Variants in RORA observed in about 807,000 individuals in gnomAD.
RORA encodes RAR related orphan receptor A.
Under a neutral mutation model 69.5 loss-of-function variants are expected in RORA, and 7 were observed. The observed-to-expected ratio is 0.10, with a 90% CI of 0.06 to 0.19. The LOEUF is 0.19. RORA is among the 10% of genes least tolerant of loss of function. The pLI is 1.00. For synonymous variants in RORA, 261 were observed against 240.8 expected, an observed-to-expected ratio of 1.08 and a Z score of -0.78; for missense variants, 457 against 663.0, an observed-to-expected ratio of 0.69 and a Z score of 3.41.
At chr15:60,638,995 C>T (rs549011969) in intron 2 of RORA, among the ~76,000 whole-genome samples, 11 of 152,194 alleles carry the variant, frequency 7.2e-5, no homozygotes, top group African/African-American at 2.2e-4. Flanking sequence ...GTCAGAGTCA[C>T]GGGCAATATA....
intron 2 of RORA, among the ~76,000 whole-genome samples, chr15:60,591,052 A>G (rs1046437472): frequency 8.5e-5 from 13 of 152,236 alleles, no homozygotes; most frequent in African/African-American, 2.9e-4. Flanking sequence ...GCAGATACCG[A>G]ACTGGTGTCC....
At chr15:60,748,188 A>G (rs1177444359) in intron 1 of RORA, among the ~76,000 whole-genome samples, 3 of 152,142 alleles carry the variant, frequency 2.0e-5, no homozygotes, top group Non-Finnish European at 2.9e-5. Context: ...TATTTTAAGT[A>G]TGGACATAAA....
chr15:60,756,529 T>C (rs2071803942), intron 1 of RORA, among the ~76,000 whole-genome samples: 1 of 152,230 alleles, frequency 6.6e-6, no homozygotes, highest in Admixed American at 6.5e-5. Context: ...ACATAACCCA[T>C]TAAGATCTCT....
chr15:60,700,362 A>G (rs2070965260), intron 1 of RORA, among the ~76,000 whole-genome samples: 1 of 152,196 alleles, frequency 6.6e-6, no homozygotes, highest in Admixed American at 6.5e-5. Flanking sequence ...GTCTGACCAT[A>G]CCCCAAATCC....
At chr15:60,939,570 C>T (rs897462289) in intron 1 of RORA, among the ~76,000 whole-genome samples, 14 of 152,206 alleles carry the variant, frequency 9.2e-5, no homozygotes, top group Non-Finnish European at 1.5e-4. Flanking sequence ...TTATGCCTTT[C>T]GCCAGAGGGA....
chr15:60,565,978 G>A (rs553037461), intron 2 of RORA, among the ~76,000 whole-genome samples: 71 of 152,198 alleles, frequency 4.7e-4, no homozygotes, highest in African/African-American at 1.5e-3. Flanking sequence ...TAAGCATTTC[G>A]GTAATATAAT....
At chr15:61,227,806 C>T (rs971947824) in intron 1 of RORA, among the ~76,000 whole-genome samples, 4 of 152,192 alleles carry the variant, frequency 2.6e-5, no homozygotes, top group Non-Finnish European at 4.4e-5. Context: ...CTCGCGCGAG[C>T]ACGCTTCCTC....
At chr15:60,503,987 G>T (rs972175303) in intron 6 of RORA, among the ~76,000 whole-genome samples, 1 of 152,020 alleles carries the variant, frequency 6.6e-6, no homozygotes, top group Non-Finnish European at 1.5e-5. Flanking sequence ...ATGTTTAATA[G>T]AGACAGAGTT....
At chr15:61,066,073 C>T (rs907929019) in intron 1 of RORA, among the ~76,000 whole-genome samples, 10 of 152,086 alleles carry the variant, frequency 6.6e-5, no homozygotes, top group Admixed American at 2.6e-4. Flanking sequence ...TTTACTAATG[C>T]GTCTAGTGGT....
chr15:60,729,812 A>T (rs1242847623), intron 1 of RORA, among the ~76,000 whole-genome samples: 1 of 152,248 alleles, frequency 6.6e-6, no homozygotes, highest in Non-Finnish European at 1.5e-5. Flanking sequence ...AATCCAACTT[A>T]TACTTTATGT....
chr15:60,825,533 A>G (rs1469958379), intron 1 of RORA, among the ~76,000 whole-genome samples: 2 of 152,320 alleles, frequency 1.3e-5, no homozygotes, highest in East Asian at 1.9e-4. Flanking sequence ...ATAAGTCCCA[A>G]GGTCAAGAAC....
chr15:60,865,802 C>A (rs992764926), intron 1 of RORA, among the ~76,000 whole-genome samples: 2 of 152,088 alleles, frequency 1.3e-5, no homozygotes, highest in Admixed American at 1.3e-4. Flanking sequence ...ACACTCATAC[C>A]ATTTATATTT....
intron 2 of RORA, among the ~76,000 whole-genome samples, chr15:60,658,683 A>C (rs961723940): frequency 1.3e-5 from 2 of 152,246 alleles, no homozygotes; most frequent in African/African-American, 4.8e-5. Flanking sequence ...ATGCCAACCC[A>C]ATCTACTTTA....
chr15:60,564,975 C>T (rs1024898906), intron 2 of RORA, among the ~76,000 whole-genome samples: 2 of 152,144 alleles, frequency 1.3e-5, no homozygotes, highest in Non-Finnish European at 2.9e-5. Context: ...CAAGCAGTGA[C>T]CCCCTTGTGA....
At chr15:60,659,455 T>A (rs966600412) in intron 2 of RORA, among the ~76,000 whole-genome samples, 1 of 152,032 alleles carries the variant, frequency 6.6e-6, no homozygotes, top group Non-Finnish European at 1.5e-5. Context: ...TGGGAAAAAA[T>A]TTAAAACAAG....
At chr15:61,140,446 C>A (rs2079287387) in intron 1 of RORA, among the ~76,000 whole-genome samples, 1 of 152,188 alleles carries the variant, frequency 6.6e-6, no homozygotes, top group Admixed American at 6.5e-5. Context: ...AACATATATT[C>A]TGTGATGTTG....
rs528232263 is a variant in RORA, at chr15:61,018,624, T to C, written c.166+210429A>G. Reference sequence around the variant, plus strand: ...TGTATATACGGAGCATGCATGTATATACTGCATGCATGTATATATTGTACT... The same window carrying C: ...TGTATATACGGAGCATGCATGTATACACTGCATGCATGTATATATTGTACT... On this transcript the variant is annotated intron_variant, in intron 1 of 10. Coordinates refer to ENST00000335670, the MANE Select transcript of RORA (RefSeq NM_134261.3). Among the ~76,000 whole-genome samples, 21 of 152,268 alleles carry C rather than the reference T, an allele frequency of 1.4e-4. No individual in the cohort carries two copies. In the South Asian group the frequency reaches 4.4e-3, roughly 32 times the overall value.
intron 1 of RORA, among the ~76,000 whole-genome samples, chr15:60,826,273 G>A (rs775449537): frequency 6.6e-6 from 1 of 152,188 alleles, no homozygotes; most frequent in Non-Finnish European, 1.5e-5. Flanking sequence ...AAGAAGAAAG[G>A]CAGGATTAAT....
intron 1 of RORA, among the ~76,000 whole-genome samples, chr15:61,193,077 A>ATCT (rs879383833): frequency 0.011 from 1,668 of 151,212 alleles, 14 homozygotes; most frequent in Non-Finnish European, 0.018. Flanking sequence ...TCTCTCTCCT[A>ATCT]TATCTTTCAA....
Sources: allele counts gnomAD v4.1 joint callset (sites outside exome capture counted in the v4.1 genomes callset), GRCh38; gene constraint gnomAD v4.1.1; transcripts MANE v1.5; gene names NCBI Gene and HGNC (gene_info 2026-07-23, HGNC 2026-07-21).